MAST4: variants seen among roughly 807,000 people sequenced by gnomAD.
The protein encoded by MAST4 is microtubule associated serine/threonine kinase family member 4, also known as microtubule-associated serine/threonine-protein kinase 4.
Under a neutral mutation model 162.7 loss-of-function variants are expected in MAST4, and 89 were observed. That is an observed-to-expected ratio of 0.55 (90% CI 0.46 to 0.65). The LOEUF (loss-of-function observed/expected upper bound fraction) is 0.65. Among genes scored for constraint, MAST4 ranks in the 30% least tolerant of loss-of-function variants. The pLI is 0.00. For synonymous variants in MAST4, 1,479 were observed against 1,361.1 expected (o/e 1.09, Z -1.91); for missense variants, 3,153 against 3,374.0 (o/e 0.93, Z 1.62).
intron 3 of MAST4, among the ~76,000 whole-genome samples, chr5:66,886,888 A>G (rs1421031781): frequency 6.6e-6 from 1 of 151,836 alleles, no homozygotes; most frequent in Non-Finnish European, 1.5e-5. Flanking sequence ...AGACTTAAAA[A>G]TAAGTGTCCA....
At chr5:67,020,047 TAGG>T (rs1387105579) in intron 4 of MAST4, among the ~76,000 whole-genome samples, 3 of 152,220 alleles carry the variant, frequency 2.0e-5, no homozygotes, top group African/African-American at 7.2e-5. Flanking sequence ...AAGATTCAAC[TAGG>T]AGAAGTATGC....
intron 14 of MAST4, among the ~76,000 whole-genome samples, chr5:67,126,812 T>C (rs1768294237): frequency 6.6e-6 from 1 of 152,216 alleles, no homozygotes; most frequent in South Asian, 2.1e-4. Context: ...GGGATAACAT[T>C]GAATCTATAA....
intron 11 of MAST4, among the ~76,000 whole-genome samples, chr5:67,110,897 G>A (rs1301683513): frequency 3.3e-5 from 5 of 152,076 alleles, no homozygotes; most frequent in South Asian, 2.1e-4. Context: ...GGTGGTGCAC[G>A]CCTGTAATCC....
In MAST4 at chr5:67,136,663, A is replaced by G; in HGVS notation, c.2493A>G (p.Thr831=). 1 of 1,590,656 alleles carries G rather than the reference A, an allele frequency of 6.3e-7. No individual in the cohort carries two copies. Among genetic ancestry groups the G allele is most frequent in the Non-Finnish European group, 8.6e-7 (1 of 1,167,144 alleles). Residue 831 remains threonine (T), a splice_region_variant and synonymous_variant, in exon 19 of 29, where the codon ACA becomes ACG. Transcript: ENST00000403625. ...AGAATCCCCTGGAGAGGCTGGGAAC[A>G]GGTTAGAGCCCATGTGTTTTAATTT... ...LRQNPLERLG[T]GGAYEVKQHR... is the part of the protein sequence containing the mutation.
intron 4 of MAST4, among the ~76,000 whole-genome samples, chr5:66,934,623 A>ATAC (rs1437253407): frequency 2.0e-5 from 3 of 152,014 alleles, no homozygotes; most frequent in African/African-American, 7.3e-5. Flanking sequence ...GGCATAGCAT[A>ATAC]TACTAAGAGT....
intron 3 of MAST4, among the ~76,000 whole-genome samples, chr5:66,844,505 G>A (rs543381924): frequency 1.3e-5 from 2 of 152,156 alleles, no homozygotes; most frequent in South Asian, 4.2e-4. Flanking sequence ...GTCATCATTG[G>A]ACCAGTCTTA....
intron 1 of MAST4, among the ~76,000 whole-genome samples, chr5:66,707,696 T>C (rs1315449839): frequency 6.6e-6 from 1 of 152,110 alleles, no homozygotes; most frequent in Non-Finnish European, 1.5e-5. Flanking sequence ...CCAAATACAG[T>C]GAATTCTGAG....
chr5:67,000,729 C>G (rs1457496246), intron 4 of MAST4, among the ~76,000 whole-genome samples: 1 of 141,936 alleles, frequency 7.0e-6, no homozygotes, highest in South Asian at 2.3e-4. Flanking sequence ...GCCTGGGCGA[C>G]AAGAGTGAAA....
intron 1 of MAST4, among the ~76,000 whole-genome samples, chr5:66,663,494 G>A (rs1484487668): frequency 3.9e-5 from 6 of 152,206 alleles, no homozygotes; most frequent in Admixed American, 3.3e-4. Flanking sequence ...TCAGTTATGG[G>A]AAGTATCCTT....
chr5:66,815,371 T>G (rs944125523), intron 3 of MAST4, among the ~76,000 whole-genome samples: 1 of 152,236 alleles, frequency 6.6e-6, no homozygotes, highest in Non-Finnish European at 1.5e-5. Flanking sequence ...TTTGACAGAT[T>G]ACATTCACAT....
chr5:66,894,942 A>T (rs550393936), intron 3 of MAST4, among the ~76,000 whole-genome samples: 6 of 152,214 alleles, frequency 3.9e-5, no homozygotes, highest in Non-Finnish European at 5.9e-5. Context: ...CCCTCACAGG[A>T]CACCTGTGAG....
At chr5:67,023,411 C>A (rs911984688) in intron 4 of MAST4, among the ~76,000 whole-genome samples, 1 of 152,110 alleles carries the variant, frequency 6.6e-6, no homozygotes, top group Non-Finnish European at 1.5e-5. Context: ...CCAATAATTA[C>A]ATGGTAGCAC....
chr5:66,690,101 C>T (rs1748941910), intron 1 of MAST4, among the ~76,000 whole-genome samples: 1 of 152,114 alleles, frequency 6.6e-6, no homozygotes, highest in Non-Finnish European at 1.5e-5. Flanking sequence ...TAGGGAAACT[C>T]CACTCCTGTT....
At chr5:66,698,646 A>G (rs1749566844) in intron 1 of MAST4, among the ~76,000 whole-genome samples, 1 of 152,148 alleles carries the variant, frequency 6.6e-6, no homozygotes, top group Non-Finnish European at 1.5e-5. Flanking sequence ...GATCTCTCAC[A>G]GGAACTCCAT....
chr5:66,683,722 A>G (rs966272760), intron 1 of MAST4, among the ~76,000 whole-genome samples: 1 of 152,146 alleles, frequency 6.6e-6, no homozygotes, highest in African/African-American at 2.4e-5. Flanking sequence ...ATTACCTGAG[A>G]CTGGGATTTG....
intron 4 of MAST4, among the ~76,000 whole-genome samples, chr5:66,909,594 A>G (rs1763608992): frequency 6.6e-6 from 1 of 152,194 alleles, no homozygotes; most frequent in African/African-American, 2.4e-5. Context: ...ATATATGTTG[A>G]TTGCAAACCA....
intron 5 of MAST4, among the ~76,000 whole-genome samples, chr5:67,060,626 T>C (rs1352579208): frequency 3.3e-5 from 5 of 151,902 alleles, no homozygotes; most frequent in Admixed American, 2.0e-4. Flanking sequence ...TACAGGCGCC[T>C]GCCACCACGC....
chr5:66,835,030 A>C (rs901567635), intron 3 of MAST4, among the ~76,000 whole-genome samples: 12 of 152,118 alleles, frequency 7.9e-5, no homozygotes, highest in African/African-American at 2.9e-4. Flanking sequence ...CTATCACCGG[A>C]ATGCAATGCA....
At chr5:67,144,545 C>G in intron 21 of MAST4, 124 bp from the exon 22 acceptor site, 1 of 974,484 alleles carries the variant, frequency 1.0e-6, no homozygotes, top group South Asian at 1.6e-5. Context: ...AAAGTACTTT[C>G]TGAATACACA....
Sources: allele counts gnomAD v4.1 joint callset (sites outside exome capture counted in the v4.1 genomes callset), GRCh38; gene constraint gnomAD v4.1.1; transcripts MANE v1.5; gene names NCBI Gene and HGNC (gene_info 2026-07-23, HGNC 2026-07-21).